PTK2B: variants seen among roughly 807,000 people sequenced by gnomAD.
PTK2B encodes protein tyrosine kinase 2 beta.
Under a neutral mutation model 142.9 loss-of-function variants are expected in PTK2B, and 71 were observed. The observed-to-expected ratio is 0.50, with a 90% CI of 0.41 to 0.61. The LOEUF is 0.61. PTK2B is among the 20% of genes least tolerant of loss of function. PTK2B has a pLI of 0.00. For synonymous variants in PTK2B, 519 were observed against 503.4 expected (o/e 1.03, Z -0.42); for missense variants, 1,105 against 1,320.4 (o/e 0.84, Z 2.53).
At position 27,458,438 on chromosome 8, in the gene PTK2B, G is replaced by A. The variant is rs774754713; in HGVS notation, c.2959G>A (p.Ala987Thr). 27 of 1,609,736 alleles carry A rather than the reference G, an allele frequency of 1.7e-5. No homozygotes were observed. The highest frequency in any genetic ancestry group is 1.7e-4 in the Middle Eastern group (1 of 5,984). The part of the protein sequence containing the change: ...LTASHTLAVD[A>T]KNLLDAVDQA... The stretch of plus-strand genomic sequence containing the variant: ...GGCTTCACACACCCTGGCTGTGGAC[G>A]CCAAGAACCTGCTCGACGCTGTGGA... The change falls in exon 31 of 31, where the codon GCC becomes ACC. Residue 987 changes from alanine (A) to threonine (T), a missense_variant. Transcript: ENST00000346049.
intron 2 of PTK2B, among the ~76,000 whole-genome samples, chr8:27,405,865 C>G (rs1808681558): frequency 1.3e-5 from 2 of 152,210 alleles, no homozygotes; most frequent in Non-Finnish European, 2.9e-5. Context: ...TTATTTTGTT[C>G]TTCAATCACT....
intron 2 of PTK2B, among the ~76,000 whole-genome samples, chr8:27,410,175 G>A (rs1808972124): frequency 6.6e-6 from 1 of 152,250 alleles, no homozygotes; most frequent in South Asian, 2.1e-4. Context: ...GCAAGCCACT[G>A]TCCCAGGTGG....
upstream of PTK2B, chr8:27,311,210 G>A (rs765087352): frequency 1.4e-5 from 23 of 1,586,688 alleles, no homozygotes; most frequent in South Asian, 1.0e-4. Context: ...GGAAGGCCCG[G>A]GGGACACGTC....
chr8:27,329,239 T>G (rs1156961975), intron 1 of PTK2B, among the ~76,000 whole-genome samples: 1 of 152,172 alleles, frequency 6.6e-6, no homozygotes, highest in East Asian at 1.9e-4. Context: ...TCTGGCTGTA[T>G]GCAATCTTTC....
chr8:27,437,778 T>C lies in PTK2B; in HGVS notation c.1541T>C (p.Leu514Pro). 6.2e-7 allele frequency: 1 copy of C among 1,611,852 alleles called. No homozygotes were observed. Residue 514 changes from leucine to proline, a missense_variant, in exon 18 of 31, where the codon CTG becomes CCG. Coordinates refer to ENST00000346049, the MANE Select transcript of PTK2B (RefSeq NM_173176.3). ...LYPYGELGHY[L>P]ERNKNSLKVL... ...CCATTCCTGCAGCTGGGCCACTACC[T>C]GGAGCGGAACAAGAACTCCCTGAAG...
chr8:27,458,514 G>A lies in PTK2B; in HGVS notation c.*5G>A, dbSNP rs1265284249. ...GCCCACCCACCTGCAGAGTGACGGA[G>A]GGTGGGGGCCACCTGCCTGCGTCTT... On this transcript the variant is annotated 3_prime_UTR_variant, in exon 31 of 31. Transcript: ENST00000346049. The A allele has an allele frequency of 6.4e-7, 1 of 1,559,894 alleles. No homozygotes were observed. The highest frequency in any genetic ancestry group is 8.7e-7 in the Non-Finnish European group (1 of 1,153,104).
chr8:27,311,063 G>A (rs1468493556), upstream of PTK2B: 1 of 1,596,608 alleles, frequency 6.3e-7, no homozygotes, highest in Non-Finnish European at 8.5e-7. Flanking sequence ...TTTGCACACT[G>A]GGCAGGTGGG....
At chr8:27,329,839 G>A (rs1276419740) in intron 1 of PTK2B, among the ~76,000 whole-genome samples, 3 of 152,114 alleles carry the variant, frequency 2.0e-5, no homozygotes, top group African/African-American at 7.2e-5. Flanking sequence ...GTGACGTTAG[G>A]TAGGTGAGTT....
At chr8:27,362,774 A>G (rs1470048928) in intron 1 of PTK2B, among the ~76,000 whole-genome samples, 1 of 152,150 alleles carries the variant, frequency 6.6e-6, no homozygotes, top group African/African-American at 2.4e-5. Flanking sequence ...TACCATGCAA[A>G]ATCTAGAACT....
At chr8:27,326,492 T>G (rs758628316) in intron 1 of PTK2B, among the ~76,000 whole-genome samples, 2 of 152,178 alleles carry the variant, frequency 1.3e-5, no homozygotes, top group African/African-American at 2.4e-5. Context: ...AAAATCCAAG[T>G]CCGCTCATTT....
chr8:27,367,439 G>A (rs528805712), intron 1 of PTK2B, among the ~76,000 whole-genome samples: 1 of 152,350 alleles, frequency 6.6e-6, no homozygotes, highest in East Asian at 1.9e-4. Context: ...ACCTGTCCAT[G>A]TTTAGCCAAG....
intron 2 of PTK2B, among the ~76,000 whole-genome samples, chr8:27,405,446 C>T (rs926419482): frequency 1.3e-5 from 2 of 152,108 alleles, no homozygotes; most frequent in Admixed American, 1.3e-4. Context: ...AGAAAAGTTA[C>T]CCTAGAGAGA....
intron 24 of PTK2B, among the ~76,000 whole-genome samples, chr8:27,447,245 A>G (rs1248713328): frequency 1.3e-5 from 2 of 152,224 alleles, no homozygotes; most frequent in Non-Finnish European, 2.9e-5. Flanking sequence ...ACATAAGGAA[A>G]ATCTGCCTAA....
chr8:27,437,276 C>T lies in PTK2B; in HGVS notation c.1426+70C>T. On this transcript the variant is annotated intron_variant, in intron 16 of 30. Transcript: ENST00000346049. ...TTCAGCCTGGGAAGAGAGGGGTGAA[C>T]AGTGCAGGGACCCATGTTGGAGGAG... 3.2e-6 allele frequency: 5 copies of T among 1,556,940 alleles called. No individual in the cohort carries two copies. The East Asian group carries it at 6.7e-5, about 21-fold the overall frequency.
intron 27 of PTK2B, 197 bp from the exon 28 acceptor site, chr8:27,452,917 A>G: frequency 1.6e-6 from 1 of 624,432 alleles, no homozygotes; most frequent in South Asian, 2.1e-5. Context: ...TAAAAGGGAC[A>G]ACAGTGCTGT....
intron 12 of PTK2B, 139 bp from the exon 13 acceptor site, chr8:27,434,374 G>A: frequency 9.1e-7 from 1 of 1,101,800 alleles, no homozygotes; most frequent in South Asian, 1.6e-5. Flanking sequence ...CAGCAGCCTG[G>A]GCTGTGCTCC....
At chr8:27,384,146 G>A (rs539011147) in intron 1 of PTK2B, among the ~76,000 whole-genome samples, 3 of 151,756 alleles carry the variant, frequency 2.0e-5, no homozygotes, top group Non-Finnish European at 4.4e-5. Flanking sequence ...CACCATGACC[G>A]GCCCAACACC....
chr8:27,377,621 G>A (rs926664979), intron 1 of PTK2B, among the ~76,000 whole-genome samples: 2 of 152,196 alleles, frequency 1.3e-5, no homozygotes, highest in Non-Finnish European at 2.9e-5. Flanking sequence ...CTGTAAAGGG[G>A]CCAGGGCCAC....
chr8:27,376,010 T>C (rs1442471879), intron 1 of PTK2B, among the ~76,000 whole-genome samples: 1 of 151,956 alleles, frequency 6.6e-6, no homozygotes, highest in Non-Finnish European at 1.5e-5. Context: ...GATGAAGAGG[T>C]TTGTGGTTGC....
Sources: allele counts gnomAD v4.1 joint callset (sites outside exome capture counted in the v4.1 genomes callset), GRCh38; gene constraint gnomAD v4.1.1; transcripts MANE v1.5; gene names NCBI Gene and HGNC (gene_info 2026-07-23, HGNC 2026-07-21).